The following DENND1A variants were observed in gnomAD, a reference collection of about 807,000 sequenced individuals.
DENND1A encodes DENN domain-containing protein 1A.
Under a neutral mutation model 113.7 loss-of-function variants are expected in DENND1A, and 51 were observed. The ratio of observed to expected loss-of-function variants is 0.45; its 90% CI spans 0.36 to 0.57. The LOEUF (loss-of-function observed/expected upper bound fraction) is 0.57, where lower values mean the gene tolerates loss of function less well. Ranked by LOEUF, DENND1A falls within the 20% of genes least tolerant of loss-of-function variation. The pLI, the probability that DENND1A is intolerant of heterozygous loss-of-function variation, is 0.00. For missense variants in DENND1A, 1,258 were observed against 1,395.9 expected (o/e 0.90, Z 1.57); for synonymous variants, 565 against 570.8 (o/e 0.99, Z 0.14).
chr9:123,648,423 TTGAG>T (rs1049655829), intron 9 of DENND1A, among the ~76,000 whole-genome samples: 15 of 152,326 alleles, frequency 9.8e-5, no homozygotes, highest in African/African-American at 3.4e-4. Flanking sequence ...ACTAATGTGG[TTGAG>T]TATCTTTCCA....
chr9:123,462,902 C>A (rs574651597), intron 13 of DENND1A, among the ~76,000 whole-genome samples: 1 of 152,152 alleles, frequency 6.6e-6, no homozygotes, highest in Non-Finnish European at 1.5e-5. Context: ...GTAAACAAAC[C>A]GCTGTCAAGG....
intron 1 of DENND1A, among the ~76,000 whole-genome samples, chr9:123,880,174 A>G (rs1434368436): frequency 6.6e-6 from 1 of 152,026 alleles, no homozygotes; most frequent in African/African-American, 2.4e-5. Context: ...CACCACGCCC[A>G]GCTAATCTTT....
intron 19 of DENND1A, among the ~76,000 whole-genome samples, chr9:123,423,274 A>AC (rs1157195977): frequency 1.3e-5 from 2 of 152,296 alleles, no homozygotes; most frequent in Admixed American, 6.5e-5. Flanking sequence ...AAGGCAACTC[A>AC]CCGGCCCCTT....
At chr9:123,729,774 G>C (rs1049471269) in intron 5 of DENND1A, among the ~76,000 whole-genome samples, 2 of 152,200 alleles carry the variant, frequency 1.3e-5, no homozygotes, top group South Asian at 4.2e-4. Context: ...ATTTCACATG[G>C]AACCAAAAAA....
chr9:123,844,685 C>T (rs945873930), intron 2 of DENND1A, among the ~76,000 whole-genome samples: 3 of 152,116 alleles, frequency 2.0e-5, no homozygotes. Flanking sequence ...TACCAAAATC[C>T]CAGCTGGGCT....
At chr9:123,394,125 G>A (rs1160554983) in intron 21 of DENND1A, among the ~76,000 whole-genome samples, 1 of 152,114 alleles carries the variant, frequency 6.6e-6, no homozygotes, top group Non-Finnish European at 1.5e-5. Flanking sequence ...CAGAGTAGCT[G>A]GGACTATAGG....
At chr9:123,641,767 T>C (rs1337343201) in intron 9 of DENND1A, among the ~76,000 whole-genome samples, 1 of 152,236 alleles carries the variant, frequency 6.6e-6, no homozygotes, top group African/African-American at 2.4e-5. Context: ...CTTAGAGAAC[T>C]GTCTATTCAC....
intron 11 of DENND1A, among the ~76,000 whole-genome samples, chr9:123,606,352 A>T (rs2060154256): frequency 6.6e-6 from 1 of 151,792 alleles, no homozygotes; most frequent in Non-Finnish European, 1.5e-5. Flanking sequence ...TCAGCACAGC[A>T]AACTCCTCCC....
chr9:123,823,967 G>A (rs926362986), intron 2 of DENND1A, among the ~76,000 whole-genome samples: 2 of 152,172 alleles, frequency 1.3e-5, no homozygotes, highest in Admixed American at 1.3e-4. Context: ...AGAAAGTCAA[G>A]AAGAGCCATT....
intron 1 of DENND1A, among the ~76,000 whole-genome samples, chr9:123,915,865 T>C (rs1855004431): frequency 6.6e-6 from 1 of 151,424 alleles, no homozygotes; most frequent in African/African-American, 2.5e-5. Context: ...TTGTAACTGA[T>C]AAAAATAATT....
intron 22 of DENND1A, 129 bp downstream of exon 22, chr9:123,387,601 C>T (rs1289781895): frequency 1.3e-5 from 14 of 1,092,536 alleles, no homozygotes; most frequent in African/African-American, 9.9e-5. Context: ...ACTGGGGCAC[C>T]GGCAGGCAGC....
At chr9:123,710,102 G>GA (rs2140916174) in intron 5 of DENND1A, among the ~76,000 whole-genome samples, 1 of 152,262 alleles carries the variant, frequency 6.6e-6, no homozygotes, top group Non-Finnish European at 1.5e-5. Flanking sequence ...ACATCATGAT[G>GA]ACGTCCAAAT....
At chr9:123,815,649 ATTAAT>A (rs1234874110) in intron 2 of DENND1A, among the ~76,000 whole-genome samples, 2 of 152,224 alleles carry the variant, frequency 1.3e-5, no homozygotes, top group African/African-American at 2.4e-5. Context: ...GGGTAAAAAT[ATTAAT>A]TTAATATTTA....
intron 2 of DENND1A, among the ~76,000 whole-genome samples, chr9:123,814,906 A>T (rs1837206151): frequency 6.6e-6 from 1 of 152,252 alleles, no homozygotes; most frequent in African/African-American, 2.4e-5. Context: ...ATGTTTTTAC[A>T]ACTGATAATT....
At chr9:123,511,116 C>A (rs189391186) in intron 13 of DENND1A, among the ~76,000 whole-genome samples, 1 of 152,296 alleles carries the variant, frequency 6.6e-6, no homozygotes, top group Admixed American at 6.5e-5. Flanking sequence ...CCTCAAGGCC[C>A]CAGATATCCC....
rs144761372 is a variant in DENND1A, at chr9:123,475,059, G to T, written c.994-17162C>A. Among the ~76,000 whole-genome samples the T allele has an allele frequency of 7.7e-3, 1,169 of 152,116 alleles. 17 individuals are homozygous for T. The highest frequency in any genetic ancestry group is 0.026 in the African/African-American group (1,094 of 41,502). ...TTTTGAGACAGAGTCTTGCTCTGTT[G>T]CCCAGGTGGAGTGCAGTGGCCCGAT... On this transcript the variant is annotated intron_variant, in intron 13 of 23. Coordinates refer to ENST00000394215, the MANE Select transcript of DENND1A (RefSeq NM_001352964.2).
chr9:123,888,011 T>A (rs553547575), intron 1 of DENND1A, among the ~76,000 whole-genome samples: 1 of 152,330 alleles, frequency 6.6e-6, no homozygotes, highest in South Asian at 2.1e-4. Context: ...CAGCTCTGGC[T>A]ACTGGGAGGG....
chr9:123,529,178 CATCTTT>C (rs1027791764), intron 13 of DENND1A, among the ~76,000 whole-genome samples: 4 of 152,148 alleles, frequency 2.6e-5, no homozygotes, highest in African/African-American at 9.7e-5. Context: ...GTGTCACCCT[CATCTTT>C]GTCTATATTG....
At chr9:123,482,933 T>C (rs2050469289) in intron 13 of DENND1A, among the ~76,000 whole-genome samples, 1 of 152,172 alleles carries the variant, frequency 6.6e-6, no homozygotes, top group Non-Finnish European at 1.5e-5. Context: ...TTTTAGGTCA[T>C]GTTGTCCTAA....
Sources: allele counts gnomAD v4.1 joint callset (sites outside exome capture counted in the v4.1 genomes callset), GRCh38; gene constraint gnomAD v4.1.1; transcripts MANE v1.5; gene names NCBI Gene and HGNC (gene_info 2026-07-23, HGNC 2026-07-21).